The following TENM2 variants were observed in gnomAD, a reference collection of about 807,000 sequenced individuals.
The protein encoded by TENM2 is teneurin-2.
A neutral mutation model predicts 245.2 loss-of-function variants in TENM2; 52 were observed. The ratio of observed to expected loss-of-function variants is 0.21; its 90% CI spans 0.17 to 0.27. TENM2 has a LOEUF of 0.27. TENM2 is among the 10% of genes least tolerant of loss of function. The probability of loss-of-function intolerance (pLI) is 1.00; values close to 1 mark genes in which losing one functional copy is unlikely to be tolerated. For synonymous variants in TENM2, 1,363 were observed against 1,438.9 expected, an observed-to-expected ratio of 0.95 and a Z score of 1.19; for missense variants, 3,046 against 3,666.8, an observed-to-expected ratio of 0.83 and a Z score of 4.37.
At chr5:167,731,732 T>G (rs1760455667) in intron 2 of TENM2, among the ~76,000 whole-genome samples, 1 of 151,298 alleles carries the variant, frequency 6.6e-6, no homozygotes, top group Non-Finnish European at 1.5e-5. Flanking sequence ...TTTAAGGCTA[T>G]TTGCTTGCCT....
the TENM2 span, among the ~76,000 whole-genome samples, chr5:167,007,558 G>T: frequency 1.3e-5 from 2 of 152,100 alleles, no homozygotes; most frequent in Non-Finnish European, 2.9e-5. This position sits in a 1 kb window ranked among gnomAD's most constrained non-coding sequence, Gnocchi z 4.2. Context: ...GTACTTTTAT[G>T]TTAATGTTTG....
chr5:168,149,834 G>A (rs1756483951), intron 12 of TENM2, among the ~76,000 whole-genome samples: 1 of 152,176 alleles, frequency 6.6e-6, no homozygotes, highest in Admixed American at 6.5e-5. Flanking sequence ...AGCCACACGG[G>A]CCTCCTCTCT....
intron 13 of TENM2, among the ~76,000 whole-genome samples, chr5:168,190,013 TTTTTA>T: frequency 6.6e-6 from 1 of 152,178 alleles, no homozygotes; most frequent in Non-Finnish European, 1.5e-5. Flanking sequence ...GAAGTTTTTG[TTTTTA>T]TTTTCCCACT....
At chr5:167,814,097 T>C (rs973503594) in intron 2 of TENM2, among the ~76,000 whole-genome samples, 2 of 152,100 alleles carry the variant, frequency 1.3e-5, no homozygotes, top group African/African-American at 2.4e-5. Context: ...AGCCGTGCAA[T>C]GAAATCTGTC....
At chr5:167,962,679 A>C (rs1250799566) in intron 4 of TENM2, among the ~76,000 whole-genome samples, 1 of 152,148 alleles carries the variant, frequency 6.6e-6, no homozygotes, top group Non-Finnish European at 1.5e-5. Context: ...AAGGGAAGCA[A>C]ACACACTCTT....
At chr5:167,165,682 C>T in the TENM2 span, among the ~76,000 whole-genome samples, 1 of 151,902 alleles carries the variant, frequency 6.6e-6, no homozygotes, top group African/African-American at 2.4e-5. Context: ...AAAATAAGAC[C>T]AAGTAAGGTG....
At chr5:167,630,965 G>T (rs542608232) in intron 2 of TENM2, among the ~76,000 whole-genome samples, 1 of 152,296 alleles carries the variant, frequency 6.6e-6, no homozygotes, top group African/African-American at 2.4e-5. Context: ...TGGACCACTG[G>T]CAGAGATTGT....
the TENM2 span, among the ~76,000 whole-genome samples, chr5:167,023,983 A>G: frequency 2.0e-5 from 3 of 152,248 alleles, no homozygotes; most frequent in Non-Finnish European, 2.9e-5. Flanking sequence ...ATATATATAT[A>G]GGAATATATG....
chr5:167,397,130 AAT>A (rs1762098634), intron 2 of TENM2, among the ~76,000 whole-genome samples: 1 of 152,150 alleles, frequency 6.6e-6, no homozygotes, highest in African/African-American at 2.4e-5. Flanking sequence ...AGAAATCTTG[AAT>A]ATAGGGACAA....
At chr5:167,748,208 A>G (rs1761719306) in intron 2 of TENM2, among the ~76,000 whole-genome samples, 1 of 152,162 alleles carries the variant, frequency 6.6e-6, no homozygotes, top group Non-Finnish European at 1.5e-5. Context: ...TAAGAAGAGC[A>G]TATACAATTG....
chr5:168,190,771 A>G (rs1760883997), intron 14 of TENM2: 2 of 441,466 alleles, frequency 4.5e-6, no homozygotes, highest in Admixed American at 4.1e-5. Context: ...TCTTTAACCC[A>G]GAACCTGCTG....
intron 6 of TENM2, among the ~76,000 whole-genome samples, chr5:168,054,319 C>G (rs149414127): frequency 7.2e-5 from 11 of 152,304 alleles, no homozygotes; most frequent in Middle Eastern, 3.4e-3. Context: ...GATGTCTCAG[C>G]TGAGCTGTAT....
chr5:167,941,179 A>G (rs1336552282), intron 3 of TENM2, among the ~76,000 whole-genome samples: 3 of 152,222 alleles, frequency 2.0e-5, no homozygotes, highest in Non-Finnish European at 4.4e-5. Flanking sequence ...AGCAACTTGC[A>G]TGGCTCATAA....
intron 2 of TENM2, among the ~76,000 whole-genome samples, chr5:167,485,622 A>G (rs1223161321): frequency 6.6e-6 from 1 of 152,146 alleles, no homozygotes; most frequent in African/African-American, 2.4e-5. Context: ...AGATCGTCTC[A>G]TAGCTCCCTG....
intron 2 of TENM2, among the ~76,000 whole-genome samples, chr5:167,485,083 G>A (rs746925340): frequency 3.9e-5 from 6 of 152,154 alleles, no homozygotes; most frequent in Non-Finnish European, 8.8e-5. Context: ...ATCTCCCGAG[G>A]GTTGAGGTCT....
intron 4 of TENM2, among the ~76,000 whole-genome samples, chr5:167,969,435 T>G (rs891799980): frequency 6.6e-6 from 1 of 152,210 alleles, no homozygotes; most frequent in Non-Finnish European, 1.5e-5. Flanking sequence ...CATGTGGAAC[T>G]GTAAGTCCAT....
intron 2 of TENM2, among the ~76,000 whole-genome samples, chr5:167,408,877 A>G (rs192016035): frequency 4.3e-4 from 64 of 150,314 alleles, no homozygotes; most frequent in African/African-American, 1.4e-3. Context: ...ATGGCATAGC[A>G]TTTTATTATA....
chr5:167,606,719 C>T (rs1000793433), intron 2 of TENM2, among the ~76,000 whole-genome samples: 1 of 152,106 alleles, frequency 6.6e-6, no homozygotes, highest in African/African-American at 2.4e-5. Context: ...GCTTGCCAGG[C>T]CTAACTCTTC....
In TENM2 at chr5:167,721,271, GA is replaced by G. The variant is rs1759610535; in HGVS notation, c.503-154714del. On this transcript the variant is annotated intron_variant, in intron 2 of 28. Coordinates refer to ENST00000518659, the Ensembl canonical transcript of TENM2. ...ATCACTTGAAAAAAAAAATGATGAG[GA>G]TTTTTTGGAGTGGTTTAATTTTGTA... The G allele has an allele frequency of 3.3e-5, 5 of 152,068 alleles. No individual in the cohort carries two copies. In the South Asian group the frequency reaches 1.0e-3, roughly 32 times the overall value. 9.4% of individuals were successfully genotyped at this position (152,068 alleles called of 1,614,324 possible). A position where few individuals can be genotyped will look rare whatever the true frequency, so the allele number is the denominator to read the frequency against.
Sources: allele counts gnomAD v4.1 joint callset (sites outside exome capture counted in the v4.1 genomes callset), GRCh38; gene constraint gnomAD v4.1.1; non-coding constraint Gnocchi (gnomAD v3.1); transcripts MANE v1.5; gene names NCBI Gene and HGNC (gene_info 2026-07-23, HGNC 2026-07-21).